The following MGAT4C variants were observed in gnomAD, a reference collection of about 807,000 sequenced individuals.
MGAT4C encodes the protein MGAT4 family member C.
In MGAT4C, 19 loss-of-function variants were observed where a neutral mutation model predicts 40.1. That is an observed-to-expected ratio of 0.47 (90% CI 0.33 to 0.70). The LOEUF (loss-of-function observed/expected upper bound fraction) is 0.70, where lower values mean the gene tolerates loss of function less well. Among genes scored for constraint, MGAT4C ranks in the 30% least tolerant of loss-of-function variants. The pLI is 0.02. For synonymous variants in MGAT4C, 181 were observed against 187.1 expected (o/e 0.97, Z 0.27); for missense variants, 491 against 563.2 (o/e 0.87, Z 1.30).
At chr12:86,542,452 G>A (rs1959173049) in intron 2 of MGAT4C, among the ~76,000 whole-genome samples, 1 of 152,178 alleles carries the variant, frequency 6.6e-6, no homozygotes, top group Admixed American at 6.5e-5. Flanking sequence ...ACCACCATCT[G>A]AGGAACTGTG....
intron 2 of MGAT4C, among the ~76,000 whole-genome samples, chr12:86,719,597 G>T (rs1028177818): frequency 1.3e-5 from 2 of 152,064 alleles, no homozygotes; most frequent in African/African-American, 4.8e-5. Context: ...TACCTCTTTG[G>T]TCTGCCTTCT....
intron 1 of MGAT4C, among the ~76,000 whole-genome samples, chr12:86,083,029 A>T (rs1371507595): frequency 2.0e-5 from 3 of 152,018 alleles, no homozygotes; most frequent in Non-Finnish European, 4.4e-5. Context: ...ATGAACTCAA[A>T]TTATCCTTCC....
intron 2 of MGAT4C, among the ~76,000 whole-genome samples, chr12:86,633,977 C>G (rs1963140065): frequency 6.6e-6 from 1 of 151,888 alleles, no homozygotes; most frequent in South Asian, 2.1e-4. Context: ...ATGGGTGTTT[C>G]TAACTCTGAT....
intron 4 of MGAT4C, among the ~76,000 whole-genome samples, chr12:86,277,490 T>G (rs1363977551): frequency 1.3e-5 from 2 of 152,198 alleles, no homozygotes; most frequent in South Asian, 2.1e-4. Context: ...CCTGGAGACT[T>G]TTTCCATTGT....
At chr12:86,032,228 T>C (rs1890824547) in intron 2 of MGAT4C, among the ~76,000 whole-genome samples, 1 of 151,618 alleles carries the variant, frequency 6.6e-6, no homozygotes, top group Non-Finnish European at 1.5e-5. Context: ...AATGAATATA[T>C]GTGTGTCTTT....
At chr12:86,486,769 T>G (rs1958027411) in intron 2 of MGAT4C, among the ~76,000 whole-genome samples, 1 of 152,150 alleles carries the variant, frequency 6.6e-6, no homozygotes, top group South Asian at 2.1e-4. Context: ...CAATCACAGT[T>G]TATATATTCT....
chr12:86,341,892 C>A (rs1377849037), intron 3 of MGAT4C, among the ~76,000 whole-genome samples: 1 of 152,136 alleles, frequency 6.6e-6, no homozygotes, highest in East Asian at 1.9e-4. Context: ...GAAGGTAGGT[C>A]GCCATCTTTG....
chr12:86,570,433 T>A (rs1173817019), intron 2 of MGAT4C, among the ~76,000 whole-genome samples: 1 of 152,122 alleles, frequency 6.6e-6, no homozygotes. Flanking sequence ...ATGTACTATT[T>A]CAAATGTCCT....
rs143227544 is a variant in MGAT4C, at chr12:86,392,427, G to C, written c.-120+42730C>G. Among the ~76,000 whole-genome samples, 382 of 152,158 alleles carry C rather than the reference G, an allele frequency of 2.5e-3. 2 individuals carry two copies. Among genetic ancestry groups the C allele is most frequent in the African/African-American group, 8.9e-3 (368 of 41,514 alleles). ...GTGGAGGTTGCAGTGAGCTGATATT[G>C]CACCACTGCACTCCAGCCTGGGCTA... is the stretch of plus-strand genomic sequence containing the variant. On this transcript the variant is annotated intron_variant, in intron 3 of 7. Coordinates refer to the MGAT4C transcript ENST00000548651.
chr12:86,603,729 TA>T (rs1316948497), intron 2 of MGAT4C, among the ~76,000 whole-genome samples: 12 of 133,476 alleles, frequency 9.0e-5, no homozygotes, highest in Admixed American at 4.1e-4. Flanking sequence ...ATATACTATA[TA>T]ATTATATATA....
At chr12:86,002,629 A>T (rs1047894508) in intron 2 of MGAT4C, among the ~76,000 whole-genome samples, 1 of 150,328 alleles carries the variant, frequency 6.7e-6, no homozygotes, top group Non-Finnish European at 1.5e-5. Context: ...TATTTTATAC[A>T]TATAGGTATA....
intron 4 of MGAT4C, among the ~76,000 whole-genome samples, chr12:86,279,130 T>C (rs979156228): frequency 5.3e-5 from 8 of 152,314 alleles, no homozygotes; most frequent in Admixed American, 2.0e-4. Context: ...TTTTTTAATG[T>C]GTCTTTGTCT....
chr12:86,124,835 C>A (rs939463278), intron 1 of MGAT4C, among the ~76,000 whole-genome samples: 4 of 152,088 alleles, frequency 2.6e-5, no homozygotes, highest in Non-Finnish European at 5.9e-5. Flanking sequence ...AGACATAATG[C>A]TGAAATAAAT....
At chr12:86,132,808 A>G (rs920578211) in intron 1 of MGAT4C, among the ~76,000 whole-genome samples, 208 of 151,614 alleles carry the variant, frequency 1.4e-3, no homozygotes, top group South Asian at 8.3e-4. Context: ...AAAAAAAAAA[A>G]AAAAAGAAAA....
chr12:85,986,251 A>G (rs907011186), intron 3 of MGAT4C, among the ~76,000 whole-genome samples: 3 of 152,170 alleles, frequency 2.0e-5, no homozygotes, highest in South Asian at 2.1e-4. Context: ...TGTAGCTACT[A>G]TGCTGTAGTA....
chr12:86,060,209 C>T (rs955763534), intron 1 of MGAT4C, among the ~76,000 whole-genome samples: 3 of 152,128 alleles, frequency 2.0e-5, no homozygotes, highest in Non-Finnish European at 4.4e-5. Context: ...AGACTGACCT[C>T]TTCTAAATTG....
intron 2 of MGAT4C, among the ~76,000 whole-genome samples, chr12:86,686,569 CT>C (rs1950076246): frequency 6.6e-6 from 1 of 152,092 alleles, no homozygotes; most frequent in African/African-American, 2.4e-5. Flanking sequence ...TATCAAAGGC[CT>C]TTTCTGCATC....
At chr12:86,491,067 T>C (rs979990939) in intron 2 of MGAT4C, among the ~76,000 whole-genome samples, 4 of 152,032 alleles carry the variant, frequency 2.6e-5, no homozygotes, top group Non-Finnish European at 4.4e-5. Flanking sequence ...GCGGACCTCA[T>C]AGGCATCTAC....
intron 2 of MGAT4C, among the ~76,000 whole-genome samples, chr12:86,441,155 A>G (rs1297858366): frequency 6.6e-6 from 1 of 151,978 alleles, no homozygotes; most frequent in Non-Finnish European, 1.5e-5. Flanking sequence ...CCTAAATAGC[A>G]AAAACAATTC....
Sources: gnomAD v4.1 joint callset for allele counts (sites outside exome capture counted in the v4.1 genomes callset) on GRCh38, gnomAD v4.1.1 for gene constraint, MANE v1.5 for transcripts, NCBI Gene and HGNC (gene_info 2026-07-23, HGNC 2026-07-21) for gene names.